Variants in RIT2 observed in about 807,000 individuals in gnomAD.
RIT2 encodes the protein Ras like without CAAX 2.
Under a neutral mutation model 23.7 loss-of-function variants are expected in RIT2, and 24 were observed. The ratio of observed to expected loss-of-function variants is 1.01; its 90% CI spans 0.73 to 1.43. The LOEUF is 1.43. Among genes scored for constraint, RIT2 ranks in the 40% most tolerant of loss-of-function variants. RIT2 has a pLI of 0.00. For missense variants in RIT2, 236 were observed against 266.9 expected (o/e 0.88, Z 0.81); for synonymous variants, 107 against 91.1 (o/e 1.17, Z -0.99).
At chr18:43,027,588 A>G (rs1911763310) in intron 2 of RIT2, among the ~76,000 whole-genome samples, 1 of 151,950 alleles carries the variant, frequency 6.6e-6, no homozygotes, top group Non-Finnish European at 1.5e-5. Flanking sequence ...TTTATCTTCT[A>G]GATGTTTCCA....
At chr18:42,967,942 C>G (rs1910274678) in intron 3 of RIT2, among the ~76,000 whole-genome samples, 1 of 151,736 alleles carries the variant, frequency 6.6e-6, no homozygotes, top group South Asian at 2.1e-4. Flanking sequence ...ATATTTGTTT[C>G]TAGAAACCCA....
At chr18:42,826,976 G>A (rs922787824) in intron 4 of RIT2, among the ~76,000 whole-genome samples, 2 of 152,058 alleles carry the variant, frequency 1.3e-5, no homozygotes, top group African/African-American at 4.8e-5. Context: ...CCAGGTTATG[G>A]CAGTTATTTG....
intron 1 of RIT2, among the ~76,000 whole-genome samples, chr18:43,082,960 T>C (rs888279531): frequency 2.0e-5 from 3 of 152,186 alleles, no homozygotes; most frequent in Non-Finnish European, 4.4e-5. Flanking sequence ...GCAGATGACA[T>C]GATTGTATAT....
intron 2 of RIT2, among the ~76,000 whole-genome samples, chr18:42,981,115 G>A (rs1351890165): frequency 1.3e-5 from 2 of 152,100 alleles, no homozygotes; most frequent in Non-Finnish European, 2.9e-5. Flanking sequence ...CCAGTTCTTT[G>A]TGTCTGCCTC....
At chr18:42,784,270 T>TA (rs34931428) in intron 4 of RIT2, among the ~76,000 whole-genome samples, 10,076 of 142,236 alleles carry the variant, frequency 0.071, 346 homozygotes, top group Middle Eastern at 0.1. Context: ...TCCCTTGCGC[T>TA]AAAAAAAAAA....
chr18:43,042,365 C>A (rs1912148196), intron 1 of RIT2, among the ~76,000 whole-genome samples: 1 of 152,148 alleles, frequency 6.6e-6, no homozygotes, highest in Non-Finnish European at 1.5e-5. Flanking sequence ...CTGGTTATTT[C>A]TCTTGTACTT....
At chr18:43,087,149 T>G (rs150703734) in intron 1 of RIT2, among the ~76,000 whole-genome samples, 2 of 151,754 alleles carry the variant, frequency 1.3e-5, no homozygotes, top group East Asian at 3.9e-4. Context: ...TTCTGAGGTA[T>G]GAGAATCACT....
At chr18:42,881,982 T>C (rs1907907759) in intron 4 of RIT2, among the ~76,000 whole-genome samples, 1 of 152,244 alleles carries the variant, frequency 6.6e-6, no homozygotes, top group Admixed American at 6.5e-5. Context: ...TTCTGCATGA[T>C]TGTACAAATC....
intron 2 of RIT2, among the ~76,000 whole-genome samples, chr18:42,980,971 G>C (rs1202554504): frequency 6.6e-6 from 1 of 152,130 alleles, no homozygotes; most frequent in Admixed American, 6.6e-5. Flanking sequence ...TCTCTCATAT[G>C]TTAGAAACAT....
At chr18:43,063,503 A>G (rs554195062) in intron 1 of RIT2, among the ~76,000 whole-genome samples, 92 of 152,280 alleles carry the variant, frequency 6.0e-4, no homozygotes, top group African/African-American at 2.0e-3. Flanking sequence ...AACAAAAGTC[A>G]TTTATTTTAC....
chr18:42,828,915 A>C (rs1445938189), intron 4 of RIT2, among the ~76,000 whole-genome samples: 1 of 152,178 alleles, frequency 6.6e-6, no homozygotes, highest in Non-Finnish European at 1.5e-5. Flanking sequence ...AATAAATCTT[A>C]AAAATTAAGA....
intron 3 of RIT2, among the ~76,000 whole-genome samples, chr18:42,968,242 G>C (rs1295088595): frequency 6.6e-6 from 1 of 152,098 alleles, no homozygotes; most frequent in Non-Finnish European, 1.5e-5. Flanking sequence ...CTGGAGGAGA[G>C]CTACTAGTTT....
chr18:42,803,509 G>C (rs1415949167), intron 4 of RIT2, among the ~76,000 whole-genome samples: 1 of 152,172 alleles, frequency 6.6e-6, no homozygotes, highest in African/African-American at 2.4e-5. Context: ...GCAGTGGCTT[G>C]TAAACAATGG....
chr18:42,775,566 G>A (rs1332623871), intron 4 of RIT2, among the ~76,000 whole-genome samples: 3 of 151,922 alleles, frequency 2.0e-5, no homozygotes, highest in Non-Finnish European at 4.4e-5. Flanking sequence ...TCGTGGTGGC[G>A]GGCGCCTGTA....
At chr18:42,923,197 A>G (rs1383912425) in intron 4 of RIT2, among the ~76,000 whole-genome samples, 1 of 152,122 alleles carries the variant, frequency 6.6e-6, no homozygotes, top group South Asian at 2.1e-4. Context: ...CCACATGACT[A>G]TCTTCTCATG....
intron 3 of RIT2, among the ~76,000 whole-genome samples, chr18:42,942,501 G>A (rs1261887630): frequency 6.6e-6 from 1 of 152,056 alleles, no homozygotes; most frequent in Non-Finnish European, 1.5e-5. Context: ...CACAAATATA[G>A]TCATTTTCAT....
intron 4 of RIT2, among the ~76,000 whole-genome samples, chr18:42,874,339 TA>T (rs1205016815): frequency 3.9e-5 from 6 of 152,162 alleles, no homozygotes; most frequent in Non-Finnish European, 8.8e-5. Flanking sequence ...GAGGTCTATG[TA>T]AAAGAAGTTT....
chr18:42,752,588 C>G (rs926719896), intron 4 of RIT2, among the ~76,000 whole-genome samples: 1 of 152,136 alleles, frequency 6.6e-6, no homozygotes, highest in African/African-American at 2.4e-5. Context: ...CATGGGGAAA[C>G]CTTTCCAGTC....
At chr18:42,967,563 T>A (rs4477807) in intron 3 of RIT2, among the ~76,000 whole-genome samples, 19,219 of 134,942 alleles carry the variant, frequency 0.14, 1,019 homozygotes, top group Middle Eastern at 0.2. Flanking sequence ...TTTTTTTTTT[T>A]TGTATTTTTA....
Sources: gnomAD v4.1 joint callset for allele counts (sites outside exome capture counted in the v4.1 genomes callset) on GRCh38, gnomAD v4.1.1 for gene constraint, MANE v1.5 for transcripts, NCBI Gene and HGNC (gene_info 2026-07-23, HGNC 2026-07-21) for gene names.